Variants in CACNA2D3 observed in about 807,000 individuals in gnomAD.
CACNA2D3 encodes voltage-dependent calcium channel subunit alpha-2/delta-3.
Under a neutral mutation model 160.6 loss-of-function variants are expected in CACNA2D3, and 60 were observed. The observed-to-expected ratio is 0.37, with a 90% CI of 0.30 to 0.46. The LOEUF (loss-of-function observed/expected upper bound fraction) is 0.46. CACNA2D3 is among the 20% of genes least tolerant of loss of function. CACNA2D3 has a pLI of 1.00. For synonymous variants in CACNA2D3, 558 were observed against 492.9 expected (o/e 1.13, Z -1.75); for missense variants, 1,205 against 1,365.0 (o/e 0.88, Z 1.85).
intron 27 of CACNA2D3, among the ~76,000 whole-genome samples, chr3:54,949,040 T>C (rs925058161): frequency 1.3e-5 from 2 of 152,238 alleles, no homozygotes; most frequent in Non-Finnish European, 2.9e-5. Flanking sequence ...TACTTTTCTT[T>C]GTGTCAGCCC....
At chr3:54,542,925 A>G (rs1702004256) in intron 5 of CACNA2D3, among the ~76,000 whole-genome samples, 2 of 152,350 alleles carry the variant, frequency 1.3e-5, no homozygotes, top group Middle Eastern at 3.4e-3. Context: ...TAGGAAAAAG[A>G]CAAGAGAGAA....
intron 14 of CACNA2D3, among the ~76,000 whole-genome samples, chr3:54,834,321 A>G (rs1426788061): frequency 6.6e-6 from 1 of 152,192 alleles, no homozygotes; most frequent in Non-Finnish European, 1.5e-5. Flanking sequence ...GGAGTTATGG[A>G]TCAGCTCAAA....
chr3:54,757,380 A>G (rs2107079893), intron 12 of CACNA2D3, among the ~76,000 whole-genome samples: 1 of 152,270 alleles, frequency 6.6e-6, no homozygotes, highest in East Asian at 1.9e-4. Flanking sequence ...ACTTCCTGGA[A>G]GGTCCAGCTC....
intron 9 of CACNA2D3, among the ~76,000 whole-genome samples, chr3:54,596,867 A>G (rs1702964869): frequency 6.6e-6 from 1 of 152,036 alleles, no homozygotes. Context: ...ATAAAATAAC[A>G]TTCCCTTTAG....
chr3:54,767,853 G>A (rs1001086858), intron 13 of CACNA2D3, among the ~76,000 whole-genome samples: 4 of 151,976 alleles, frequency 2.6e-5, no homozygotes, highest in Admixed American at 6.6e-5. Flanking sequence ...TGACAATAAT[G>A]GTTTGTAACT....
chr3:54,841,725 ATTCCAGACACCCCAGCAATAAT>A (rs1450118006), intron 16 of CACNA2D3, among the ~76,000 whole-genome samples: 2 of 152,228 alleles, frequency 1.3e-5, no homozygotes, highest in Non-Finnish European at 2.9e-5. Flanking sequence ...TTTATTAAGA[ATTCCAGACACCCCAGCAATAAT>A]TTCCAGACAC....
At chr3:54,465,485 C>G (rs1280968804) in intron 4 of CACNA2D3, among the ~76,000 whole-genome samples, 1 of 152,116 alleles carries the variant, frequency 6.6e-6, no homozygotes, top group Non-Finnish European at 1.5e-5. Flanking sequence ...ATAGTGTATA[C>G]AGGGTTCAGT....
intron 2 of CACNA2D3, among the ~76,000 whole-genome samples, chr3:54,186,173 G>A (rs1700875456): frequency 6.6e-6 from 1 of 152,206 alleles, no homozygotes; most frequent in South Asian, 2.1e-4. Context: ...CCAGCAAGTT[G>A]CAGACACTCA....
chr3:54,999,445 C>G (rs1702933433), intron 31 of CACNA2D3, among the ~76,000 whole-genome samples: 1 of 152,184 alleles, frequency 6.6e-6, no homozygotes, highest in African/African-American at 2.4e-5. Context: ...TTTTTACATG[C>G]TACCTTAGTG....
chr3:54,872,933 C>A (rs1421288707), intron 18 of CACNA2D3, among the ~76,000 whole-genome samples: 1 of 152,040 alleles, frequency 6.6e-6, no homozygotes, highest in Non-Finnish European at 1.5e-5. Context: ...TTAGGACTGT[C>A]CTGCACCTAA....
At chr3:54,253,114 T>C (rs2107427300) in intron 2 of CACNA2D3, among the ~76,000 whole-genome samples, 1 of 152,238 alleles carries the variant, frequency 6.6e-6, no homozygotes, top group South Asian at 2.1e-4. Flanking sequence ...ACTCTTTTTT[T>C]TTTTTTTTGC....
intron 5 of CACNA2D3, among the ~76,000 whole-genome samples, chr3:54,549,910 T>C (rs1193409461): frequency 6.6e-6 from 1 of 152,168 alleles, no homozygotes; most frequent in Non-Finnish European, 1.5e-5. Context: ...GAAGGAATGT[T>C]TAAATTTCTT....
chr3:54,514,103 C>G (rs1701505553), intron 5 of CACNA2D3, among the ~76,000 whole-genome samples: 1 of 152,322 alleles, frequency 6.6e-6, no homozygotes. Flanking sequence ...TTTACATAAA[C>G]ACTTCCAATT....
intron 12 of CACNA2D3, among the ~76,000 whole-genome samples, chr3:54,762,423 C>T (rs1702096353): frequency 6.6e-6 from 1 of 152,182 alleles, no homozygotes; most frequent in Non-Finnish European, 1.5e-5. Flanking sequence ...AAGGTAACCA[C>T]ATTTGATTGG....
At chr3:54,623,626 T>A (rs138685590) in intron 9 of CACNA2D3, among the ~76,000 whole-genome samples, 2 of 152,152 alleles carry the variant, frequency 1.3e-5, no homozygotes, top group Admixed American at 1.3e-4. Flanking sequence ...GTCCATGGCT[T>A]GATAGGAAGG....
chr3:54,659,596 T>C (rs1375753619), intron 11 of CACNA2D3, among the ~76,000 whole-genome samples: 1 of 152,134 alleles, frequency 6.6e-6, no homozygotes, highest in Non-Finnish European at 1.5e-5. Context: ...TCCAGGGACC[T>C]GGGGAGTGTT....
intron 5 of CACNA2D3, among the ~76,000 whole-genome samples, chr3:54,553,220 C>G (rs1189637946): frequency 6.6e-6 from 1 of 152,210 alleles, no homozygotes; most frequent in Non-Finnish European, 1.5e-5. Context: ...ACATTAAGGA[C>G]TATTTTCCAA....
chr3:54,162,504 G>C (rs1700365150), intron 2 of CACNA2D3, among the ~76,000 whole-genome samples: 1 of 152,154 alleles, frequency 6.6e-6, no homozygotes, highest in Non-Finnish European at 1.5e-5. Flanking sequence ...CCAAGAGCAA[G>C]CATCCCTAGA....
intron 11 of CACNA2D3, among the ~76,000 whole-genome samples, chr3:54,673,640 G>T (rs1700194917): frequency 6.6e-6 from 1 of 152,166 alleles, no homozygotes; most frequent in South Asian, 2.1e-4. Context: ...ACACTTAAAT[G>T]ACAATCTTTT....
Sources: allele counts gnomAD v4.1 joint callset (sites outside exome capture counted in the v4.1 genomes callset), GRCh38; gene constraint gnomAD v4.1.1; transcripts MANE v1.5; gene names NCBI Gene and HGNC (gene_info 2026-07-23, HGNC 2026-07-21).